The following SPATA17 variants were observed in gnomAD, a reference collection of about 807,000 sequenced individuals.
SPATA17 encodes the protein spermatogenesis associated 17, also known as spermatogenesis-associated protein 17.
Under a neutral mutation model 62.2 loss-of-function variants are expected in SPATA17, and 53 were observed. The ratio of observed to expected loss-of-function variants is 0.85; its 90% CI spans 0.68 to 1.07. SPATA17 has a LOEUF of 1.07. Ranked by LOEUF, SPATA17 falls within the 50% of genes least tolerant of loss-of-function variation. SPATA17 has a pLI of 0.00. For synonymous variants in SPATA17, 146 were observed against 146.8 expected (o/e 0.99, Z 0.04); for missense variants, 466 against 425.5 (o/e 1.10, Z -0.84).
intron 5 of SPATA17, among the ~76,000 whole-genome samples, chr1:217,732,025 A>G (rs1347095133): frequency 6.6e-6 from 1 of 151,904 alleles, no homozygotes; most frequent in Non-Finnish European, 1.5e-5. Flanking sequence ...TTCTAAATCT[A>G]TCCTTTTCCC....
At chr1:217,637,167 T>G (rs1669961072) in intron 1 of SPATA17, among the ~76,000 whole-genome samples, 2 of 152,208 alleles carry the variant, frequency 1.3e-5, no homozygotes, top group African/African-American at 4.8e-5. Flanking sequence ...TACTACATGC[T>G]GAGCACTGCT....
intron 1 of SPATA17, among the ~76,000 whole-genome samples, chr1:217,642,701 C>T (rs1670093014): frequency 6.6e-6 from 1 of 152,248 alleles, no homozygotes; most frequent in African/African-American, 2.4e-5. Context: ...TCTGACAGTT[C>T]CTGCTTTGCA....
At position 217,867,372 on chromosome 1, in the gene SPATA17, G is replaced by A. The variant is rs932444867; in HGVS notation, c.*353G>A. 6.6e-6 allele frequency: 1 copy of A among 152,168 alleles called. No homozygotes were observed. Among genetic ancestry groups the A allele is most frequent in the African/African-American group, 2.4e-5 (1 of 41,444 alleles). 9.4% of individuals were successfully genotyped at this position (152,168 alleles called of 1,614,324 possible). A position where few individuals can be genotyped will look rare whatever the true frequency, so the allele number is the denominator to read the frequency against. On this transcript the variant is annotated 3_prime_UTR_variant, in exon 11 of 11. Transcript: ENST00000366933. ...AGTGCTGGGTACCCAAATTAAGGGCGACTAACATGTAAGTAGGATGATGAA... is the reference window on the plus strand; with the variant it reads ...AGTGCTGGGTACCCAAATTAAGGGCAACTAACATGTAAGTAGGATGATGAA...
At chr1:217,685,235 T>A (rs937033568) in intron 5 of SPATA17, among the ~76,000 whole-genome samples, 7 of 152,144 alleles carry the variant, frequency 4.6e-5, no homozygotes, top group Non-Finnish European at 1.0e-4. Flanking sequence ...AGAGTGAGTA[T>A]GTCCTTCAAT....
intron 3 of SPATA17, among the ~76,000 whole-genome samples, chr1:217,657,971 G>A (rs964873348): frequency 6.6e-6 from 1 of 152,158 alleles, no homozygotes; most frequent in African/African-American, 2.4e-5. Context: ...AGGAGGAAAA[G>A]CCCCCTATAA....
At chr1:217,852,143 G>A (rs987028214) in intron 9 of SPATA17, among the ~76,000 whole-genome samples, 5 of 152,208 alleles carry the variant, frequency 3.3e-5, no homozygotes, top group Admixed American at 6.6e-5. Context: ...CCACAGTTAC[G>A]AAAAGAATAC....
chr1:217,658,619 G>T (rs913081141), intron 3 of SPATA17, among the ~76,000 whole-genome samples: 6 of 152,040 alleles, frequency 3.9e-5, no homozygotes, highest in Non-Finnish European at 8.8e-5. Flanking sequence ...TTAGCAGGGC[G>T]TGGTGGCAGG....
At chr1:217,793,576 C>T (rs1190530770) in intron 8 of SPATA17, among the ~76,000 whole-genome samples, 1 of 152,076 alleles carries the variant, frequency 6.6e-6, no homozygotes, top group Non-Finnish European at 1.5e-5. Flanking sequence ...AAAATATATG[C>T]ATATGAATTC....
At chr1:217,662,212 A>G (rs1360623747) in intron 3 of SPATA17, among the ~76,000 whole-genome samples, 1 of 152,116 alleles carries the variant, frequency 6.6e-6, no homozygotes, top group African/African-American at 2.4e-5. Context: ...CTACTTTTGA[A>G]TCACCATAGT....
intron 9 of SPATA17, among the ~76,000 whole-genome samples, chr1:217,805,884 T>C (rs1474035582): frequency 6.6e-6 from 1 of 152,234 alleles, no homozygotes; most frequent in Non-Finnish European, 1.5e-5. Flanking sequence ...GTTGAGTTAC[T>C]GCAGGTGTAT....
intron 9 of SPATA17, among the ~76,000 whole-genome samples, chr1:217,855,709 A>G (rs1244892546): frequency 1.3e-5 from 2 of 149,184 alleles, no homozygotes; most frequent in African/African-American, 5.0e-5. Context: ...GAACTAAATA[A>G]GAGAAAGACA....
In SPATA17 at chr1:217,868,911, A is replaced by T. The variant is rs902665302; in HGVS notation, c.*1892A>T. On this transcript the variant is annotated 3_prime_UTR_variant, in exon 11 of 11. Transcript: ENST00000366933. ...TGTGCAGGCTGGTCTTGAACGCCTG[A>T]GCTCAAGTGATCTGCCTGCCTCGGC... The T allele has an allele frequency of 2.0e-5, 3 of 152,262 alleles. No homozygotes were observed. Among genetic ancestry groups the T allele is most frequent in the Non-Finnish European group, 2.9e-5 (2 of 68,156 alleles). The allele number at this position is 152,262 out of a possible 1,614,324, so 9.4% of individuals were successfully genotyped here. A position where few individuals can be genotyped will look rare whatever the true frequency, so the allele number is the denominator to read the frequency against.
chr1:217,706,274 G>A (rs1360304162), intron 5 of SPATA17, among the ~76,000 whole-genome samples: 2 of 152,068 alleles, frequency 1.3e-5, no homozygotes, highest in African/African-American at 4.8e-5. Context: ...GAATAGCATT[G>A]AGCCTGTAAA....
intron 5 of SPATA17, chr1:217,739,362 A>C (rs537188279): frequency 6.6e-6 from 1 of 152,318 alleles, no homozygotes; most frequent in African/African-American, 2.4e-5. Context: ...TTCTAATTCC[A>C]TTTCTGCCAT....
chr1:217,841,274 G>A (rs187247586), intron 9 of SPATA17, among the ~76,000 whole-genome samples: 356 of 151,982 alleles, frequency 2.3e-3, no homozygotes, highest in Non-Finnish European at 3.7e-3. Flanking sequence ...GACATCAATA[G>A]GGACTGAAAC....
At chr1:217,842,120 T>A (rs2103007352) in intron 9 of SPATA17, among the ~76,000 whole-genome samples, 1 of 152,106 alleles carries the variant, frequency 6.6e-6, no homozygotes, top group East Asian at 1.9e-4. Context: ...TAGTGAATTA[T>A]GCTGTTTTTT....
At chr1:217,771,259 CA>C (rs932365734) in intron 6 of SPATA17, among the ~76,000 whole-genome samples, 54 of 151,514 alleles carry the variant, frequency 3.6e-4, no homozygotes, top group African/African-American at 1.3e-3. Flanking sequence ...CAGATTTCCC[CA>C]TAGTGTTGGT....
At chr1:217,853,476 C>T (rs1675709816) in intron 9 of SPATA17, among the ~76,000 whole-genome samples, 1 of 151,948 alleles carries the variant, frequency 6.6e-6, no homozygotes, top group South Asian at 2.1e-4. Flanking sequence ...CAATGTTACT[C>T]GTATCCCAGG....
Position 217,742,007 on chromosome 1 carries a change from AAAGAG to A in SPATA17, c.438_442del (p.Lys147GlyfsTer2), listed in dbSNP as rs777930512. ...CTGGAGGAGTTTGCAGAAATGAAAG[AAAGAG>A]AAGAGAAGAAGGCTAACCTCGAAAG... is the stretch of plus-strand genomic sequence containing the variant. On this transcript the variant is annotated frameshift_variant, in exon 6 of 11. Transcript: ENST00000366933. LOFTEE classifies it high-confidence loss of function. 6.8e-6 allele frequency: 11 copies of A among 1,613,980 alleles called. No individual in the cohort carries two copies. The highest frequency in any genetic ancestry group is 9.3e-6 in the Non-Finnish European group (11 of 1,179,978).
Sources: gnomAD v4.1 joint callset for allele counts (sites outside exome capture counted in the v4.1 genomes callset) on GRCh38, gnomAD v4.1.1 for gene constraint, MANE v1.5 for transcripts, NCBI Gene and HGNC (gene_info 2026-07-23, HGNC 2026-07-21) for gene names.